The following RAPGEF3 variants were observed in gnomAD, a reference collection of about 807,000 sequenced individuals.
RAPGEF3 encodes Rap guanine nucleotide exchange factor 3.
RAPGEF3 carries 103 observed loss-of-function variants against 129.8 expected under a neutral mutation model. That is an observed-to-expected ratio of 0.79 (90% confidence interval 0.68 to 0.93). RAPGEF3 has a LOEUF of 0.93. Ranked by LOEUF, RAPGEF3 falls within the 40% of genes least tolerant of loss-of-function variation. The pLI is 0.00. For missense variants in RAPGEF3, 1,117 were observed against 1,207.4 expected (o/e 0.93, Z 1.11); for synonymous variants, 436 against 482.6 (o/e 0.90, Z 1.26).
Position 47,757,993 on chromosome 12 carries a change from A to C in RAPGEF3, c.92T>G (p.Leu31Arg). The change falls in exon 2 of 28, where the codon CTC becomes CGC. Residue 31 changes from leucine to arginine, a missense_variant. Transcript: ENST00000449771. The stretch of plus-strand genomic sequence containing the variant: ...TGTCCCCTCCGGCACCACGTCAGGG[A>C]GGGCTCCCACCCGCGGTGCTCCCAG... Reference protein sequence around the residue: ...PALGAPRVGALPDVVPEGTLL... With the variant: ...PALGAPRVGARPDVVPEGTLL... 6.4e-7 allele frequency: 1 copy of C among 1,572,894 alleles called. No homozygotes were observed. Among genetic ancestry groups the C allele is most frequent in the Non-Finnish European group, 8.6e-7 (1 of 1,158,720 alleles).
chr12:47,740,431 G>C (rs10875687), intron 21 of RAPGEF3, 36 bp from the exon 22 acceptor site: 457,232 of 1,598,702 alleles, frequency 0.29, 67,874 homozygotes, highest in South Asian at 0.32. Context: ...TCAGGGTAAG[G>C]GAAGCAGCCA....
In RAPGEF3 at chr12:47,749,316, T is replaced by TGGTCTCG; in HGVS notation, c.1041+73_1041+74insCGAGACC. On this transcript the variant is annotated intron_variant, in intron 10 of 27. Coordinates refer to ENST00000449771, the MANE Select transcript of RAPGEF3 (RefSeq NM_001098531.4). The surrounding 1 kb of genome is among the most constrained non-coding windows in gnomAD (Gnocchi z 4.5). ...CCTGCTTCTTACAGGCCCTCTGCTCTGGTCCCTACTCCTCTCTCCACATCA... is the reference window on the plus strand; with the variant it reads ...CCTGCTTCTTACAGGCCCTCTGCTCTGGTCTCGGGTCCCTACTCCTCTCTCCACATCA... 1 of 1,583,730 alleles carries TGGTCTCG rather than the reference T, an allele frequency of 6.3e-7. No homozygotes were observed. Among genetic ancestry groups the TGGTCTCG allele is most frequent in the Non-Finnish European group, 8.6e-7 (1 of 1,163,188 alleles).
At chr12:47,750,545 A>T in intron 6 of RAPGEF3, 120 bp from the exon 7 acceptor site, 2 of 828,206 alleles carry the variant, frequency 2.4e-6, no homozygotes, top group Non-Finnish European at 3.9e-6. Context: ...GACAGTTATC[A>T]GCAGCAGCTA....
intron 18 of RAPGEF3, 115 bp from the exon 19 acceptor site, chr12:47,741,717 G>T: frequency 2.3e-6 from 2 of 852,852 alleles, no homozygotes; most frequent in Non-Finnish European, 3.9e-6. Flanking sequence ...TCCTAGTAGC[G>T]GGGTTGAAGT....
At chr12:47,754,499 C>T (rs185183114) in intron 2 of RAPGEF3, among the ~76,000 whole-genome samples, 3 of 152,296 alleles carry the variant, frequency 2.0e-5, no homozygotes, top group East Asian at 1.9e-4. Context: ...CTAGCTTTTG[C>T]GTTACCATCT....
intron 2 of RAPGEF3, among the ~76,000 whole-genome samples, 161 bp downstream of exon 2, chr12:47,757,705 C>T (rs917319545): frequency 2.0e-5 from 3 of 152,314 alleles, no homozygotes; most frequent in African/African-American, 4.8e-5. Flanking sequence ...GAGCCACCCA[C>T]GCACACTGCA....
At chr12:47,748,042 T>C (rs1025631792) in intron 13 of RAPGEF3, 32 bp downstream of exon 13, 3 of 1,557,906 alleles carry the variant, frequency 1.9e-6, no homozygotes, top group Non-Finnish European at 2.6e-6. Context: ...CCTATCCCCA[T>C]GCACACCATC....
chr12:47,747,017 AC>A, intron 15 of RAPGEF3, 118 bp from the exon 16 acceptor site: 1 of 939,902 alleles, frequency 1.1e-6, no homozygotes, highest in Non-Finnish European at 1.6e-6. Flanking sequence ...GGTAAGCACG[AC>A]CAGGTAAGTA....
In RAPGEF3 at chr12:47,747,787, C is replaced by T. The variant is rs369140670; in HGVS notation, c.1398G>A (p.Leu466=). The change falls in exon 14 of 28, where the codon TTG becomes TTA. Residue 466 remains leucine, a synonymous_variant. Transcript: ENST00000449771. ...GGGCCACCCACTGGCTGACCAGCCG[C>T]AAGATCTGCTGCCTCTTGTTGCAGA... ...TYVCNKRQQI[L]RLVSQWVALY... is the part of the protein sequence containing the mutation. 2.4e-5 allele frequency: 39 copies of T among 1,608,120 alleles called. No homozygotes were observed. Among genetic ancestry groups the T allele is most frequent in the Non-Finnish European group, 2.9e-5 (34 of 1,180,006 alleles).
chr12:47,757,343 A>C (rs1215413561), intron 2 of RAPGEF3, among the ~76,000 whole-genome samples: 3 of 152,130 alleles, frequency 2.0e-5, no homozygotes, highest in Non-Finnish European at 4.4e-5. Flanking sequence ...AGATTCTCCA[A>C]ATGTCTCAGA....
At chr12:47,745,612 T>A (rs948704523) in intron 16 of RAPGEF3, 1 of 152,044 alleles carries the variant, frequency 6.6e-6, no homozygotes, top group Non-Finnish European at 1.5e-5. Flanking sequence ...CGGGACACTT[T>A]CCCTGAATCT....
At chr12:47,739,865 C>G in intron 23 of RAPGEF3, 1 of 546,984 alleles carries the variant, frequency 1.8e-6, no homozygotes, top group Non-Finnish European at 3.3e-6. Flanking sequence ...CCCACATGCT[C>G]CAGCCCAGTC....
chr12:47,750,503 C>G (rs1445113645), intron 6 of RAPGEF3, 78 bp from the exon 7 acceptor site: 1 of 1,322,522 alleles, frequency 7.6e-7, no homozygotes, highest in African/African-American at 1.5e-5. Context: ...ACCCACCCAG[C>G]CGATGCCTGT....
intron 18 of RAPGEF3, 22 bp from the exon 19 acceptor site, chr12:47,741,624 A>C (rs1941171818): frequency 6.3e-7 from 1 of 1,588,278 alleles, no homozygotes; most frequent in African/African-American, 1.3e-5. Context: ...GCAGAGGCGG[A>C]CTGGGTGGGG....
chr12:47,746,809 G>T, intron 16 of RAPGEF3, 51 bp downstream of exon 16: 5 of 1,541,494 alleles, frequency 3.2e-6, no homozygotes, highest in Non-Finnish European at 4.4e-6. Flanking sequence ...GCGAAGGAGG[G>T]GCCTGCAGTC....
At position 47,747,994 on chromosome 12, in the gene RAPGEF3, C is replaced by T; in HGVS notation, c.1322+80G>A. ...CTGGCATTTAAAGGGCTCAGCACAG[C>T]CACGCTGGTGAGATTTTCTCTCAAC... On this transcript the variant is annotated intron_variant, in intron 13 of 27. Coordinates refer to ENST00000449771, the MANE Select transcript of RAPGEF3 (RefSeq NM_001098531.4). 30 of 1,557,944 alleles carry T rather than the reference C, an allele frequency of 1.9e-5. 1 individual carries two copies. The South Asian group carries it at 3.4e-4, about 18-fold the overall frequency.
rs1375360915 is a variant in RAPGEF3, at chr12:47,752,461, C to T, written c.220-492G>A. 4 of 162,946 alleles carry T rather than the reference C, an allele frequency of 2.5e-5. No individual in the cohort carries two copies. In the East Asian group the frequency reaches 6.7e-4, roughly 27 times the overall value. 10.1% of individuals were successfully genotyped at this position (162,946 alleles called of 1,614,324 possible). On this transcript the variant is annotated intron_variant, in intron 2 of 27. Coordinates refer to ENST00000449771, the MANE Select transcript of RAPGEF3 (RefSeq NM_001098531.4). ...CTTCCACAGGCCCATGAGCAGGTGT[C>T]TTGCCATCTCTGGGCCTCGGATCAG... is the stretch of plus-strand genomic sequence containing the variant.
chr12:47,756,964 G>GT (rs1942100139), intron 2 of RAPGEF3, among the ~76,000 whole-genome samples: 2 of 148,706 alleles, frequency 1.3e-5, no homozygotes, highest in Non-Finnish European at 3.0e-5. Context: ...GAAGACTCTG[G>GT]TTAAAAAAAA....
Position 47,748,860 on chromosome 12 carries a change from C to T in RAPGEF3, c.1113G>A (p.Gln371=). The T allele has an allele frequency of 6.2e-7, 1 of 1,614,072 alleles. No individual in the cohort carries two copies. Among genetic ancestry groups the T allele is most frequent in the Non-Finnish European group, 8.5e-7 (1 of 1,179,954 alleles). Residue 371 remains glutamine (Q), a synonymous_variant, in exon 11 of 28, where the codon CAG becomes CAA. Transcript: ENST00000449771. Reference sequence around the variant, plus strand: ...TTGGGGGTCGGGAAGGGCCGGCGCCCTGAGAGGCTCTCTCCAGCACCAGCA... The same window carrying T: ...TTGGGGGTCGGGAAGGGCCGGCGCCTTGAGAGGCTCTCTCCAGCACCAGCA... ...KVVLVLERAS[Q]GAGPSRPPTP...
Sources: gnomAD v4.1 joint callset for allele counts (sites outside exome capture counted in the v4.1 genomes callset) on GRCh38, gnomAD v4.1.1 for gene constraint, Gnocchi (gnomAD v3.1) non-coding constraint, MANE v1.5 for transcripts, NCBI Gene and HGNC (gene_info 2026-07-23, HGNC 2026-07-21) for gene names.